Variants in GLT1D1 observed in about 807,000 individuals in gnomAD.
GLT1D1 encodes the protein glycosyltransferase 1 domain-containing protein 1.
Under a neutral mutation model 28.7 loss-of-function variants are expected in GLT1D1, and 21 were observed. The ratio of observed to expected loss-of-function variants is 0.73; its 90% CI spans 0.52 to 1.05. The LOEUF (loss-of-function observed/expected upper bound fraction) is 1.05. GLT1D1 is among the 50% of genes least tolerant of loss of function. GLT1D1 has a pLI of 0.00. For missense variants in GLT1D1, 343 were observed against 330.6 expected (o/e 1.04, Z -0.29); for synonymous variants, 147 against 124.8 (o/e 1.18, Z -1.19).
At chr12:128,908,948 C>A (rs1169578501) in intron 4 of GLT1D1, among the ~76,000 whole-genome samples, 1 of 143,976 alleles carries the variant, frequency 6.9e-6, no homozygotes, top group South Asian at 2.3e-4. Flanking sequence ...GACTCCGTCT[C>A]AAAAATAAAT....
chr12:128,855,338 G>A (rs532504020), intron 1 of GLT1D1, among the ~76,000 whole-genome samples: 9 of 152,126 alleles, frequency 5.9e-5, no homozygotes, highest in South Asian at 2.1e-4. Flanking sequence ...GAGATGGGAG[G>A]ATTGCTTGAG....
At chr12:128,916,932 G>C (rs1054052562) in intron 4 of GLT1D1, among the ~76,000 whole-genome samples, 1 of 152,250 alleles carries the variant, frequency 6.6e-6, no homozygotes, top group South Asian at 2.1e-4. Context: ...GGGTCACAAA[G>C]ATGTTTTTCT....
intron 1 of GLT1D1, among the ~76,000 whole-genome samples, chr12:128,875,127 T>C (rs1393897795): frequency 6.6e-6 from 1 of 151,712 alleles, no homozygotes; most frequent in African/African-American, 2.4e-5. Flanking sequence ...AGTATTTTTT[T>C]TGAAGCTATG....
At chr12:128,960,593 C>A (rs1263489038) in intron 7 of GLT1D1, among the ~76,000 whole-genome samples, 1 of 151,798 alleles carries the variant, frequency 6.6e-6, no homozygotes, top group Non-Finnish European at 1.5e-5. Flanking sequence ...CCTGTCTCTA[C>A]TAAAAATATG....
At chr12:128,869,939 A>ATTTTTTTT (rs35487977) in intron 1 of GLT1D1, among the ~76,000 whole-genome samples, 6 of 125,252 alleles carry the variant, frequency 4.8e-5, no homozygotes, top group African/African-American at 1.7e-4. Context: ...TGTGTATTCT[A>ATTTTTTTT]TTTTTTTTTT....
chr12:128,935,538 C>CAA (rs35895301), intron 4 of GLT1D1, among the ~76,000 whole-genome samples: 2 of 83,024 alleles, frequency 2.4e-5, no homozygotes, highest in African/African-American at 4.6e-5. Flanking sequence ...GACTCTGTCT[C>CAA]AAAAAAAAAA....
intron 4 of GLT1D1, among the ~76,000 whole-genome samples, chr12:128,940,056 C>T (rs1291338830): frequency 6.6e-6 from 1 of 151,670 alleles, no homozygotes; most frequent in African/African-American, 2.4e-5. Context: ...GTCTGTAGCT[C>T]TCAATAGATG....
intron 1 of GLT1D1, among the ~76,000 whole-genome samples, chr12:128,869,779 C>T (rs779901778): frequency 1.6e-4 from 25 of 152,010 alleles, no homozygotes; most frequent in African/African-American, 7.3e-5. Context: ...GTGCAGAGCT[C>T]ATCCTGTCTT....
At chr12:128,948,246 T>C (rs1283067332) in intron 6 of GLT1D1, among the ~76,000 whole-genome samples, 1 of 152,174 alleles carries the variant, frequency 6.6e-6, no homozygotes, top group African/African-American at 2.4e-5. Context: ...TTATCTTCGG[T>C]GCTTGATATT....
Position 128,931,917 on chromosome 12 carries a change from G to GCACGCGCACACACACACACACACA in GLT1D1, c.376-13406_376-13405insGCGCACACACACACACACACACAC, listed in dbSNP as rs1368012620. On this transcript the variant is annotated intron_variant, in intron 4 of 7. Transcript: ENST00000281703. ...TGAGGATATGTGCACACACACGCACGCACACACACACACACACACACACAA... is the reference window on the plus strand; with the variant it reads ...TGAGGATATGTGCACACACACGCACGCACGCGCACACACACACACACACACACACACACACACACACACACACAA... Among the ~76,000 whole-genome samples the GCACGCGCACACACACACACACACA allele has an allele frequency of 4.9e-3, 695 of 141,090 alleles. 4 individuals carry two copies. Among genetic ancestry groups the GCACGCGCACACACACACACACACA allele is most frequent in the Non-Finnish European group, 6.0e-3 (373 of 62,682 alleles). 92.6% of individuals were successfully genotyped at this position (141,090 alleles called of 152,430 possible). A position where few individuals can be genotyped will look rare whatever the true frequency, so the allele number is the denominator to read the frequency against.
chr12:128,966,773 T>G (rs1878495536), intron 7 of GLT1D1, among the ~76,000 whole-genome samples: 1 of 135,332 alleles, frequency 7.4e-6, no homozygotes, highest in Non-Finnish European at 1.6e-5. Context: ...CCTACTGAAC[T>G]GAATAAAAAG....
chr12:128,946,061 G>A (rs537664964), intron 5 of GLT1D1, among the ~76,000 whole-genome samples: 1 of 152,272 alleles, frequency 6.6e-6, no homozygotes, highest in South Asian at 2.1e-4. Flanking sequence ...CACTGACAAA[G>A]ACTGTTTTTT....
chr12:128,875,770 A>G (rs983594319), intron 1 of GLT1D1, 144 bp from the exon 2 acceptor site: 2 of 788,918 alleles, frequency 2.5e-6, no homozygotes, highest in Admixed American at 4.7e-5. Context: ...ATTGCTCCCC[A>G]GCCTGGGCAA....
chr12:128,975,340 A>T (rs988232373), intron 7 of GLT1D1, among the ~76,000 whole-genome samples: 4 of 152,144 alleles, frequency 2.6e-5, no homozygotes, highest in Non-Finnish European at 4.4e-5. Context: ...CTGGCTCTGT[A>T]TTGAGTAATT....
intron 2 of GLT1D1, among the ~76,000 whole-genome samples, chr12:128,881,376 CA>C (rs1311015555): frequency 2.7e-5 from 4 of 146,416 alleles, no homozygotes; most frequent in South Asian, 2.2e-4. Context: ...ACTAAAAATA[CA>C]AAAAAAATTA....
intron 7 of GLT1D1, among the ~76,000 whole-genome samples, chr12:128,959,640 G>C (rs576035722): frequency 1.4e-3 from 215 of 152,230 alleles, no homozygotes; most frequent in Middle Eastern, 3.4e-3. Flanking sequence ...AGCACTAAAG[G>C]CTTCTCTTTT....
At chr12:128,982,108 G>A (rs1019074730) in intron 7 of GLT1D1, among the ~76,000 whole-genome samples, 12 of 152,170 alleles carry the variant, frequency 7.9e-5, no homozygotes, top group Non-Finnish European at 1.5e-5. Context: ...CCAAGGGTCT[G>A]CAAGCCTTCT....
intron 4 of GLT1D1, among the ~76,000 whole-genome samples, chr12:128,943,093 C>A (rs1342710765): frequency 6.6e-6 from 1 of 152,214 alleles, no homozygotes; most frequent in Non-Finnish European, 1.5e-5. Flanking sequence ...CAACAGAGTT[C>A]TTTCCCTTTA....
intron 7 of GLT1D1, among the ~76,000 whole-genome samples, chr12:128,980,802 C>T (rs1880240420): frequency 6.6e-6 from 1 of 152,218 alleles, no homozygotes; most frequent in Admixed American, 6.5e-5. Flanking sequence ...AGCAAATTAC[C>T]CGAACAAGTC....
Sources: gnomAD v4.1 joint callset for allele counts (sites outside exome capture counted in the v4.1 genomes callset) on GRCh38, gnomAD v4.1.1 for gene constraint, MANE v1.5 for transcripts, NCBI Gene and HGNC (gene_info 2026-07-23, HGNC 2026-07-21) for gene names.